The following LRRC74B variants were observed in gnomAD, a reference collection of about 807,000 sequenced individuals.
LRRC74B encodes the protein leucine rich repeat containing 74B, also known as leucine-rich repeat-containing protein 74B.
A neutral mutation model predicts 16.6 loss-of-function variants in LRRC74B; 30 were observed. That is an observed-to-expected ratio of 1.80 (90% CI 1.35 to 2.45). LRRC74B has a LOEUF of 2.45. Ranked by LOEUF, LRRC74B falls within the 30% of genes most tolerant of loss-of-function variation. The pLI, the probability that LRRC74B is intolerant of heterozygous loss-of-function variation, is 0.00. For missense variants in LRRC74B, 326 were observed against 202.4 expected, an observed-to-expected ratio of 1.61 and a Z score of -3.71; for synonymous variants, 134 against 86.0, an observed-to-expected ratio of 1.56 and a Z score of -3.09.
chr22:21,053,330 G>A (rs1463421211), intron 5 of LRRC74B, 30 bp from the exon 6 acceptor site: 2 of 713,990 alleles, frequency 2.8e-6, no homozygotes, highest in South Asian at 3.0e-5. Context: ...GTCAGATGGG[G>A]TCCCATGACT....
At chr22:21,058,908 T>C (rs973838596) in intron 8 of LRRC74B, among the ~76,000 whole-genome samples, 1 of 152,218 alleles carries the variant, frequency 6.6e-6, no homozygotes, top group African/African-American at 2.4e-5. Flanking sequence ...TGTCTATCAA[T>C]GTGAGATCCT....
intron 6 of LRRC74B, chr22:21,053,711 C>G (rs1569199119): frequency 6.1e-6 from 2 of 329,328 alleles, no homozygotes; most frequent in Non-Finnish European, 1.1e-5. Flanking sequence ...GCAGCCTTGG[C>G]CTTCCCAGCT....
chr22:21,047,539 G>A (rs1459828946), intron 2 of LRRC74B, 41 bp downstream of exon 2: 1 of 711,936 alleles, frequency 1.4e-6, no homozygotes, highest in Non-Finnish European at 2.6e-6. Context: ...TACGGGGAGA[G>A]GCCTCGGGAG....
rs764947423 is a variant in LRRC74B at position 21,060,524 on chromosome 22, A to C, written c.1175A>C (p.Lys392Thr). ...TCAGCCCTGCCAGCGTCTGTCCCTA[A>C]GTGACCTTGGAGTGTGGCTTCCTCA... Residue 392 changes from lysine to threonine, a missense_variant, in exon 9 of 9, where the codon AAG becomes ACG. Coordinates refer to ENST00000442047, the Ensembl canonical transcript of LRRC74B. 101 of 709,306 alleles carry C rather than the reference A, an allele frequency of 1.4e-4. 1 individual carries two copies. In the East Asian group the frequency reaches 2.6e-3, roughly 18 times the overall value. 43.9% of individuals were successfully genotyped at this position (709,306 alleles called of 1,614,324 possible).
At chr22:21,047,462 A>C in exon 2 of LRRC74B, 1 of 717,522 alleles carries the variant, frequency 1.4e-6, no homozygotes, top group Admixed American at 2.0e-5. Context: ...GGAGCGCCCA[A>C]GAGCTGAACC....
chr22:21,056,746 C>CAGCGTGGCAGAAGCAGAGTTGCAA, intron 7 of LRRC74B: 1 of 251,894 alleles, frequency 4.0e-6, no homozygotes, highest in Non-Finnish European at 7.6e-6. Flanking sequence ...CCCAGATACA[C>CAGCGTGGCAGAAGCAGAGTTGCAA]CTCCCCTCCC....
rs369555884 is a variant in LRRC74B at position 21,047,319 on chromosome 22, G to A, written c.140-37G>A. ...GGGGAGGACACAGGTGGCTGTAGCTGTGCAGGGTCCACATTCGTCCCCCTG... is the reference window on the plus strand; with the variant it reads ...GGGGAGGACACAGGTGGCTGTAGCTATGCAGGGTCCACATTCGTCCCCCTG... On this transcript the variant is annotated intron_variant, in intron 1 of 8. Transcript: ENST00000442047. 1,489 of 711,736 alleles carry A rather than the reference G, an allele frequency of 2.1e-3. 31 individuals carry two copies. The highest frequency in any genetic ancestry group is 0.018 in the South Asian group (1,202 of 66,546). The allele number at this position is 711,736 out of a possible 1,614,324, so 44.1% of individuals were successfully genotyped here. A position where few individuals can be genotyped will look rare whatever the true frequency, so the allele number is the denominator to read the frequency against.
intron 8 of LRRC74B, among the ~76,000 whole-genome samples, chr22:21,059,595 C>T (rs1930714307): frequency 6.6e-6 from 1 of 152,168 alleles, no homozygotes; most frequent in South Asian, 2.1e-4. Flanking sequence ...CAAAGAAAAA[C>T]AATTAGCCTG....
downstream of LRRC74B, chr22:21,063,903 A>T (rs1930922750): frequency 6.6e-6 from 1 of 152,538 alleles, no homozygotes; most frequent in Non-Finnish European, 1.5e-5. Context: ...GGAGCCCGAG[A>T]GGTGGAGGTT....
At chr22:21,053,850 C>T (rs540302132) in intron 6 of LRRC74B, 2 of 162,264 alleles carry the variant, frequency 1.2e-5, no homozygotes, top group African/African-American at 4.8e-5. Context: ...CTGAAGCAGT[C>T]TTCCTGCCTC....
chr22:21,048,978 G>T (rs1373240785), exon 4 of LRRC74B: 4 of 716,058 alleles, frequency 5.6e-6, no homozygotes, highest in Non-Finnish European at 1.0e-5. Context: ...AACCAGCTGG[G>T]AGTGGCAGGA....
chr22:21,048,201 C>T, intron 3 of LRRC74B, 185 bp downstream of exon 3: 1 of 592,828 alleles, frequency 1.7e-6, no homozygotes, highest in South Asian at 1.9e-5. Context: ...GCAGCCGATG[C>T]CTGATAGAAG....
downstream of LRRC74B, chr22:21,063,236 A>G (rs1461917161): frequency 6.6e-6 from 1 of 152,184 alleles, no homozygotes; most frequent in Non-Finnish European, 1.5e-5. Context: ...CAAAAGGAGT[A>G]TTGAGTCCCA....
intron 1 of LRRC74B, among the ~76,000 whole-genome samples, chr22:21,046,497 C>G (rs1929448037): frequency 6.6e-6 from 1 of 152,178 alleles, no homozygotes; most frequent in South Asian, 2.1e-4. Context: ...TGGCATCAGA[C>G]AGGCAGAGGC....
chr22:21,048,016 G>C, exon 3 of LRRC74B: 1 of 717,372 alleles, frequency 1.4e-6, no homozygotes, highest in East Asian at 2.7e-5. Flanking sequence ...CAGCATCCAT[G>C]GTAGGTGCTG....
intron 8 of LRRC74B, among the ~76,000 whole-genome samples, chr22:21,057,440 TGA>T (rs1930601540): frequency 6.6e-6 from 1 of 151,870 alleles, no homozygotes; most frequent in South Asian, 2.1e-4. Context: ...CTTCATTGGC[TGA>T]GAGAGGATAA....
At chr22:21,060,577 G>A, downstream of LRRC74B, 2 of 672,730 alleles carry the variant, frequency 3.0e-6, no homozygotes, top group Non-Finnish European at 5.5e-6. Context: ...TGACCTCCAG[G>A]GTGAGGAGCT....
chr22:21,050,980 C>CAAA (rs56383758), intron 4 of LRRC74B, among the ~76,000 whole-genome samples: 16 of 73,388 alleles, frequency 2.2e-4, no homozygotes, highest in South Asian at 4.2e-4. Flanking sequence ...GACTCCGTCT[C>CAAA]AAAAAAAAAA....
downstream of LRRC74B, among the ~76,000 whole-genome samples, chr22:21,061,437 C>T (rs1330598477): frequency 1.3e-5 from 2 of 152,132 alleles, no homozygotes; most frequent in Non-Finnish European, 2.9e-5. Flanking sequence ...GCCACATGCT[C>T]AAAGAACACT....
Sources: allele counts gnomAD v4.1 joint callset (sites outside exome capture counted in the v4.1 genomes callset), GRCh38; gene constraint gnomAD v4.1.1; transcripts MANE v1.5; gene names NCBI Gene and HGNC (gene_info 2026-07-23, HGNC 2026-07-21).